GALNT13: variants seen among roughly 807,000 people sequenced by gnomAD.
GALNT13 encodes the protein UDP-GalNAc:polypeptide N-acetylgalactosaminyltransferase 13.
In GALNT13, 28 loss-of-function variants were observed where a neutral mutation model predicts 64.2. That is an observed-to-expected ratio of 0.44 (90% confidence interval 0.32 to 0.60). The LOEUF (loss-of-function observed/expected upper bound fraction) is 0.60, where lower values mean the gene tolerates loss of function less well. Ranked by LOEUF, GALNT13 falls within the 20% of genes least tolerant of loss-of-function variation. GALNT13 has a pLI of 0.05. For synonymous variants in GALNT13, 214 were observed against 224.6 expected (o/e 0.95, Z 0.42); for missense variants, 577 against 669.8 (o/e 0.86, Z 1.53).
chr2:153,166,648 T>TGTGG, the GALNT13 span, among the ~76,000 whole-genome samples: 2 of 151,340 alleles, frequency 1.3e-5, no homozygotes, highest in Non-Finnish European at 3.0e-5. Flanking sequence ...TGTGTGTGTG[T>TGTGG]GTGTGTGTGT....
At chr2:153,477,273 T>A in the GALNT13 span, 1 of 152,488 alleles carries the variant, frequency 6.6e-6, no homozygotes, top group African/African-American at 2.4e-5. Context: ...GGAGCCAGAC[T>A]CCTCACCGCC....
the GALNT13 span, among the ~76,000 whole-genome samples, chr2:153,438,660 A>G: frequency 4.1e-4 from 62 of 152,218 alleles, no homozygotes; most frequent in African/African-American, 1.4e-3. Context: ...TTCTCGTGCC[A>G]TGGTTTTCAG....
chr2:154,086,181 A>G (rs917192838), intron 3 of GALNT13, among the ~76,000 whole-genome samples: 4 of 148,236 alleles, frequency 2.7e-5, no homozygotes, highest in Non-Finnish European at 6.0e-5. Flanking sequence ...ATTTACATAT[A>G]ATATGTATAA....
At chr2:154,322,086 T>A (rs180822210) in intron 9 of GALNT13, among the ~76,000 whole-genome samples, 15 of 149,510 alleles carry the variant, frequency 1.0e-4, no homozygotes, top group Non-Finnish European at 2.1e-4. Flanking sequence ...CCTAGGATTC[T>A]AAAGGCAAGA....
chr2:153,820,070 G>A, the GALNT13 span, among the ~76,000 whole-genome samples: 1 of 152,188 alleles, frequency 6.6e-6, no homozygotes, highest in Admixed American at 6.5e-5. Context: ...GCTGATTAGA[G>A]CTACTGGAAT....
intron 3 of GALNT13, among the ~76,000 whole-genome samples, chr2:154,083,699 C>T (rs1023303768): frequency 1.1e-4 from 17 of 151,692 alleles, no homozygotes; most frequent in African/African-American, 2.9e-4. Flanking sequence ...ACTTGCACCA[C>T]GGATAATTAA....
chr2:153,789,325 A>G, the GALNT13 span, among the ~76,000 whole-genome samples: 1 of 148,752 alleles, frequency 6.7e-6, no homozygotes, highest in Non-Finnish European at 1.5e-5. Flanking sequence ...AGGAAATTAA[A>G]CAACCTGATC....
intron 9 of GALNT13, among the ~76,000 whole-genome samples, chr2:154,320,842 C>T (rs1431407023): frequency 1.3e-5 from 2 of 152,160 alleles, no homozygotes; most frequent in African/African-American, 4.8e-5. Context: ...ATCCAAAATG[C>T]TAATTGACAA....
the GALNT13 span, among the ~76,000 whole-genome samples, chr2:153,552,707 T>G: frequency 6.6e-6 from 1 of 151,420 alleles, no homozygotes; most frequent in Non-Finnish European, 1.5e-5. Context: ...TCTAGAACAG[T>G]GGTCCCCAAC....
intron 11 of GALNT13, among the ~76,000 whole-genome samples, chr2:154,428,342 A>G (rs1254386467): frequency 6.6e-6 from 1 of 152,212 alleles, no homozygotes; most frequent in Non-Finnish European, 1.5e-5. Context: ...AAAATTCGAT[A>G]TATATCAAAC....
the GALNT13 span, among the ~76,000 whole-genome samples, chr2:153,516,317 G>C: frequency 6.6e-6 from 1 of 152,184 alleles, no homozygotes; most frequent in Non-Finnish European, 1.5e-5. Context: ...ATGAATGAGC[G>C]AATTATCTTA....
chr2:153,764,132 C>T, the GALNT13 span, among the ~76,000 whole-genome samples: 2 of 152,090 alleles, frequency 1.3e-5, no homozygotes, highest in African/African-American at 2.4e-5. Flanking sequence ...TGTTGCTGTG[C>T]GTAGAGATTG....
the GALNT13 span, among the ~76,000 whole-genome samples, chr2:153,631,130 G>C: frequency 2.4e-4 from 36 of 151,890 alleles, no homozygotes; most frequent in African/African-American, 8.2e-4. Flanking sequence ...TCCCTACAAA[G>C]GACATGAACT....
the GALNT13 span, among the ~76,000 whole-genome samples, chr2:153,364,118 A>G: frequency 2.6e-5 from 4 of 152,198 alleles, no homozygotes; most frequent in Non-Finnish European, 5.9e-5. Context: ...CATCCCATAA[A>G]CTGAACCAAT....
chr2:154,239,625 C>T (rs1689374334), intron 4 of GALNT13, among the ~76,000 whole-genome samples: 1 of 152,128 alleles, frequency 6.6e-6, no homozygotes. Flanking sequence ...TCTTTTGAAT[C>T]TTGCCACCAG....
At chr2:153,739,487 C>A in the GALNT13 span, among the ~76,000 whole-genome samples, 1,063 of 147,152 alleles carry the variant, frequency 7.2e-3, 6 homozygotes, top group Non-Finnish European at 0.012. Context: ...CATCTTTGGT[C>A]TTCTTGAATT....
At chr2:153,148,784 A>C in the GALNT13 span, among the ~76,000 whole-genome samples, 1 of 151,916 alleles carries the variant, frequency 6.6e-6, no homozygotes, top group East Asian at 1.9e-4. Context: ...CTTTCAATCA[A>C]TTCTTTCAAA....
chr2:153,503,937 G>C, the GALNT13 span, among the ~76,000 whole-genome samples: 3 of 152,082 alleles, frequency 2.0e-5, no homozygotes, highest in East Asian at 5.8e-4. Context: ...GTGGTATATT[G>C]ATGGGAATTG....
the GALNT13 span, among the ~76,000 whole-genome samples, chr2:153,800,043 T>G: frequency 4.2e-5 from 5 of 120,142 alleles, no homozygotes; most frequent in African/African-American, 6.8e-5. Flanking sequence ...TCCATTTAGT[T>G]TGCTCTCTCT....
Sources: allele counts gnomAD v4.1 joint callset (sites outside exome capture counted in the v4.1 genomes callset), GRCh38; gene constraint gnomAD v4.1.1; transcripts MANE v1.5; gene names NCBI Gene and HGNC (gene_info 2026-07-23, HGNC 2026-07-21).